The following FRMPD4 variants were observed in gnomAD, a reference collection of about 807,000 sequenced individuals.
FRMPD4 encodes FERM and PDZ domain-containing protein 4.
A neutral mutation model predicts 94.1 loss-of-function variants in FRMPD4; 22 were observed. The ratio of observed to expected loss-of-function variants is 0.23; its 90% CI spans 0.17 to 0.33. The LOEUF (loss-of-function observed/expected upper bound fraction) is 0.33, where lower values mean the gene tolerates loss of function less well. Among genes scored for constraint, FRMPD4 ranks in the 10% least tolerant of loss-of-function variants. The pLI is 1.00. For synonymous variants in FRMPD4, 631 were observed against 548.6 expected, an observed-to-expected ratio of 1.15 and a Z score of -2.10; for missense variants, 1,111 against 1,339.9, an observed-to-expected ratio of 0.83 and a Z score of 2.67.
intron 3 of FRMPD4, among the ~76,000 whole-genome samples, chrX:11,957,813 T>C (rs937868189): frequency 8.9e-6 from 1 of 112,491 alleles, no homozygotes; most frequent in African/African-American, 3.2e-5. Context: ...TAGTTTTCCC[T>C]TTGGAGATAG....
intron 3 of FRMPD4, among the ~76,000 whole-genome samples, chrX:12,119,799 C>T (rs762949835): frequency 4.5e-5 from 5 of 111,999 alleles, no homozygotes; most frequent in South Asian, 7.6e-4. Context: ...AAGCTATGTG[C>T]GGAGATATTC....
At chrX:12,129,756 T>A (rs564748929) in intron 3 of FRMPD4, among the ~76,000 whole-genome samples, 5 of 111,760 alleles carry the variant, frequency 4.5e-5, no homozygotes, top group Middle Eastern at 4.6e-3. Flanking sequence ...GGCTGTGTGG[T>A]CTCTAATCAT....
At chrX:12,718,832 GA>G in intron 16 of FRMPD4, 42 bp downstream of exon 16, 7 of 828,261 alleles carry the variant, frequency 8.5e-6, no homozygotes, top group Non-Finnish European at 1.2e-5. Context: ...GACATGCCAA[GA>G]GCATGTAAAC....
At chrX:11,986,459 C>T (rs2054429748) in intron 3 of FRMPD4, among the ~76,000 whole-genome samples, 1 of 111,438 alleles carries the variant, frequency 9.0e-6, no homozygotes, top group Non-Finnish European at 1.9e-5. Flanking sequence ...CTATAAGTGC[C>T]TACATCAAAA....
chrX:12,036,165 A>G (rs915209397), intron 3 of FRMPD4, among the ~76,000 whole-genome samples: 2 of 111,812 alleles, frequency 1.8e-5, no homozygotes, highest in African/African-American at 6.5e-5. Context: ...TAATAGAACC[A>G]ATGAATATCA....
intron 14 of FRMPD4, among the ~76,000 whole-genome samples, chrX:12,710,911 AAATT>A (rs1210821409): frequency 2.7e-5 from 3 of 111,516 alleles, no homozygotes; most frequent in Non-Finnish European, 5.6e-5. Flanking sequence ...GTCTCAAAAT[AAATT>A]AATTAATTAA....
intron 1 of FRMPD4, among the ~76,000 whole-genome samples, chrX:11,850,347 G>A (rs2053613696): frequency 2.7e-5 from 3 of 112,622 alleles, no homozygotes; most frequent in Non-Finnish European, 3.8e-5. Flanking sequence ...TGCACTGTTA[G>A]TGGGAATGTA....
chrX:12,030,133 A>G (rs1396309820), intron 3 of FRMPD4, among the ~76,000 whole-genome samples: 2 of 112,286 alleles, frequency 1.8e-5, no homozygotes, highest in East Asian at 5.6e-4. Context: ...AACTTATAGA[A>G]TCATAAGAAA....
intron 1 of FRMPD4, among the ~76,000 whole-genome samples, chrX:12,367,562 T>C (rs1257508344): frequency 9.0e-6 from 1 of 111,637 alleles, no homozygotes; most frequent in Non-Finnish European, 1.9e-5. Flanking sequence ...CGAGTGGAGA[T>C]GTAAGGAGTC....
intron 1 of FRMPD4, among the ~76,000 whole-genome samples, chrX:12,394,760 A>G (rs1005845229): frequency 1.8e-5 from 2 of 111,802 alleles, no homozygotes; most frequent in African/African-American, 6.5e-5. Flanking sequence ...AGCCTAGAAG[A>G]GTTGCAATGC....
intron 1 of FRMPD4, among the ~76,000 whole-genome samples, chrX:12,321,393 G>A (rs2055205214): frequency 8.9e-6 from 1 of 111,821 alleles, no homozygotes; most frequent in East Asian, 2.8e-4. Flanking sequence ...AAAGTGATAT[G>A]CATTCAATTA....
intron 3 of FRMPD4, among the ~76,000 whole-genome samples, chrX:11,927,190 G>A (rs562663888): frequency 1.8e-5 from 2 of 110,370 alleles, no homozygotes; most frequent in Admixed American, 9.7e-5. Context: ...TACAGCTAAT[G>A]GGGAGGTAAA....
chrX:12,685,072 G>A (rs1466201122), intron 6 of FRMPD4, among the ~76,000 whole-genome samples: 1 of 112,038 alleles, frequency 8.9e-6, no homozygotes, highest in Non-Finnish European at 1.9e-5. Flanking sequence ...AAGACTGTGC[G>A]GGAAGTCCAC....
chrX:12,517,887 C>T (rs1353978679), intron 2 of FRMPD4, among the ~76,000 whole-genome samples: 1 of 112,592 alleles, frequency 8.9e-6, no homozygotes, highest in Non-Finnish European at 1.9e-5. Flanking sequence ...GAGTTCTGTC[C>T]TTAAACCCCT....
chrX:12,633,350 A>G (rs1292644969), intron 4 of FRMPD4, among the ~76,000 whole-genome samples: 1 of 111,937 alleles, frequency 8.9e-6, no homozygotes, highest in South Asian at 3.7e-4. Flanking sequence ...TAAAGGTCCA[A>G]GTTGACTTTC....
intron 9 of FRMPD4, among the ~76,000 whole-genome samples, chrX:12,701,424 C>T (rs1338677081): frequency 1.8e-5 from 2 of 110,802 alleles, no homozygotes; most frequent in African/African-American, 6.6e-5. Flanking sequence ...CCCCAATTTA[C>T]AGAAGAGAAA....
At chrX:12,661,666 A>G (rs1218540785) in intron 4 of FRMPD4, among the ~76,000 whole-genome samples, 6 of 112,234 alleles carry the variant, frequency 5.3e-5, no homozygotes, top group African/African-American at 1.9e-4. Context: ...CATATAGTCC[A>G]TGACAGATTA....
chrX:12,033,944 G>A (rs1183010348), intron 3 of FRMPD4, among the ~76,000 whole-genome samples: 5 of 112,324 alleles, frequency 4.5e-5, no homozygotes, highest in Admixed American at 1.9e-4. Flanking sequence ...TGATCCGCCC[G>A]CCTCGGCCTC....
At chrX:12,332,934 A>G (rs188829891) in intron 1 of FRMPD4, among the ~76,000 whole-genome samples, 1 of 111,985 alleles carries the variant, frequency 8.9e-6, no homozygotes, top group Admixed American at 9.5e-5. Context: ...TCCCTGTTTT[A>G]TATGGAATGG....
Sources: gnomAD v4.1 joint callset for allele counts (sites outside exome capture counted in the v4.1 genomes callset) on GRCh38, gnomAD v4.1.1 for gene constraint, MANE v1.5 for transcripts, NCBI Gene and HGNC (gene_info 2026-07-23, HGNC 2026-07-21) for gene names.